The following EHMT1 variants were observed in gnomAD, a reference collection of about 807,000 sequenced individuals.
EHMT1 encodes the protein histone-lysine N-methyltransferase EHMT1.
A neutral mutation model predicts 147.2 loss-of-function variants in EHMT1; 15 were observed. The observed-to-expected ratio is 0.10, with a 90% confidence interval of 0.07 to 0.16. The LOEUF (loss-of-function observed/expected upper bound fraction) is 0.16. EHMT1 is among the 10% of genes least tolerant of loss of function. EHMT1 has a pLI of 1.00. For missense variants in EHMT1, 1,587 were observed against 1,772.4 expected (o/e 0.90, Z 1.88); for synonymous variants, 795 against 709.6 (o/e 1.12, Z -1.91).
chr9:137,751,402 C>T (rs911404011), intron 6 of EHMT1, among the ~76,000 whole-genome samples: 2 of 152,334 alleles, frequency 1.3e-5, no homozygotes, highest in African/African-American at 4.8e-5. Flanking sequence ...GCAGTCCACT[C>T]GCCTAGGCCT....
chr9:137,804,956 AGTCC>A (rs1487237053), intron 18 of EHMT1, among the ~76,000 whole-genome samples: 3 of 152,096 alleles, frequency 2.0e-5, no homozygotes, highest in African/African-American at 4.8e-5. Flanking sequence ...TCCATGTATG[AGTCC>A]GTCCATGTGT....
Position 137,732,191 on chromosome 9 carries a change from G to A in EHMT1, c.823+3662G>A, listed in dbSNP as rs1201564016. Among the ~76,000 whole-genome samples the A allele has an allele frequency of 9.2e-5, 14 of 152,356 alleles. No homozygotes were observed. The highest frequency in any genetic ancestry group is 7.8e-4 in the Admixed American group (12 of 15,310). ...CGCCGACACCAGCGGAGGGCAGGAG[G>A]GCTACAGTGTTACAGCTCTGGCTTG... On this transcript the variant is annotated intron_variant, in intron 4 of 26. Coordinates refer to ENST00000460843, the MANE Select transcript of EHMT1 (RefSeq NM_024757.5). This position sits in a 1 kb window ranked among gnomAD's most constrained non-coding sequence, Gnocchi z 4.6.
intron 1 of EHMT1, among the ~76,000 whole-genome samples, chr9:137,682,043 C>G (rs974740845): frequency 9.2e-5 from 14 of 152,022 alleles, no homozygotes; most frequent in African/African-American, 3.4e-4. Context: ...CTCTGCCTCC[C>G]GGATTCACAC....
intron 6 of EHMT1, among the ~76,000 whole-genome samples, chr9:137,750,363 A>G (rs1237682454): frequency 6.6e-6 from 1 of 152,244 alleles, no homozygotes; most frequent in Non-Finnish European, 1.5e-5. Context: ...CAGATATTTC[A>G]GTAGGGATCT....
intron 1 of EHMT1, among the ~76,000 whole-genome samples, chr9:137,634,868 ATTT>A (rs781056803): frequency 0.014 from 1,297 of 92,010 alleles, 3 homozygotes; most frequent in African/African-American, 0.048. Context: ...TGCCCAGCTA[ATTT>A]TTTTTTTTTT....
intron 1 of EHMT1, among the ~76,000 whole-genome samples, chr9:137,635,178 C>T (rs1843916488): frequency 6.6e-6 from 1 of 151,642 alleles, no homozygotes; most frequent in African/African-American, 2.4e-5. Context: ...GGATGCTTGT[C>T]CATTTATTTA....
chr9:137,815,276 TA>T (rs2137780098), intron 22 of EHMT1: 1 of 168,478 alleles, frequency 5.9e-6, no homozygotes, highest in Admixed American at 5.4e-5. Context: ...ATGGAGATGG[TA>T]CGCTCAGAAA....
intron 3 of EHMT1, among the ~76,000 whole-genome samples, chr9:137,725,814 G>A (rs1286402687): frequency 6.6e-6 from 1 of 152,046 alleles, no homozygotes; most frequent in East Asian, 1.9e-4. Context: ...AAGAGTACTC[G>A]CTCCCCTGTG....
chr9:137,773,180 A>G (rs377341957), intron 10 of EHMT1, among the ~76,000 whole-genome samples: 1 of 152,236 alleles, frequency 6.6e-6, no homozygotes, highest in Non-Finnish European at 1.5e-5. Flanking sequence ...CTAGACTTCT[A>G]TGTGTATAAC....
Position 137,814,520 on chromosome 9 carries a change from C to G in EHMT1, c.3258+12C>G, listed in dbSNP as rs1954767033. 6.2e-7 allele frequency: 1 copy of G among 1,603,588 alleles called. No homozygotes were observed. The highest frequency in any genetic ancestry group is 8.5e-7 in the Non-Finnish European group (1 of 1,179,978). On this transcript the variant is annotated intron_variant, in intron 22 of 26. Coordinates refer to ENST00000460843, the MANE Select transcript of EHMT1 (RefSeq NM_024757.5). ...GCTGGTACGACAAGGTGAGGGCGGC[C>G]TCGTGTGCGTGGGCTCAGGTGGTAA...
At chr9:137,825,833 C>T (rs1220662117) in intron 25 of EHMT1, among the ~76,000 whole-genome samples, 1 of 152,102 alleles carries the variant, frequency 6.6e-6, no homozygotes, top group African/African-American at 2.4e-5. Flanking sequence ...TTGTCGTCTA[C>T]ACCGGCGGGG....
chr9:137,693,590 A>C (rs1022736779), intron 1 of EHMT1, among the ~76,000 whole-genome samples: 21 of 149,342 alleles, frequency 1.4e-4, no homozygotes, highest in Non-Finnish European at 2.7e-4. Flanking sequence ...ACAGTGGCAC[A>C]GGACGCTGGC....
intron 10 of EHMT1, among the ~76,000 whole-genome samples, chr9:137,765,711 G>A (rs1041888822): frequency 3.3e-5 from 4 of 121,440 alleles, no homozygotes; most frequent in Non-Finnish European, 5.0e-5. Context: ...TGTTCTTCCC[G>A]GCAGCCCCGC....
intron 16 of EHMT1, among the ~76,000 whole-genome samples, chr9:137,796,596 C>T (rs1024567877): frequency 4.1e-5 from 6 of 147,406 alleles, no homozygotes; most frequent in Non-Finnish European, 5.9e-5. Context: ...CCCAGCTACT[C>T]GGGAGGCTGA....
chr9:137,634,725 CAG>C lies in EHMT1; in HGVS notation c.21+15679_21+15680del, dbSNP rs2077568922. ...CTTCTTTCTTTTTTTTTTTTTTTGA[CAG>C]AGTCTCTCTCTATCGCCCAGGCTGG... On this transcript the variant is annotated intron_variant, in intron 1 of 26. Transcript: ENST00000460843. Among the ~76,000 whole-genome samples, 5 of 130,946 alleles carry C rather than the reference CAG, an allele frequency of 3.8e-5. No homozygotes were observed. The South Asian group carries it at 1.3e-3, about 33-fold the overall frequency. The allele number at this position is 130,946 out of a possible 152,430, so 85.9% of individuals were successfully genotyped here. A position where few individuals can be genotyped will look rare whatever the true frequency, so the allele number is the denominator to read the frequency against.
At chr9:137,754,946 C>T (rs897457099) in intron 8 of EHMT1, among the ~76,000 whole-genome samples, 3 of 152,190 alleles carry the variant, frequency 2.0e-5, no homozygotes, top group Admixed American at 2.0e-4. Flanking sequence ...GGCACCTGTG[C>T]CTCGGTCAGA....
At chr9:137,820,575 T>C (rs1304976578) in intron 25 of EHMT1, among the ~76,000 whole-genome samples, 4 of 152,230 alleles carry the variant, frequency 2.6e-5, no homozygotes, top group Non-Finnish European at 5.9e-5. Context: ...TTTGAAAACT[T>C]GAATATTTCC....
chr9:137,620,677 G>T (rs1842899809), intron 1 of EHMT1, among the ~76,000 whole-genome samples: 1 of 152,200 alleles, frequency 6.6e-6, no homozygotes, highest in African/African-American at 2.4e-5. Flanking sequence ...ACAGACATGA[G>T]CCATTGTGCC....
intron 15 of EHMT1, chr9:137,785,892 A>G (rs1282646224): frequency 3.9e-5 from 6 of 152,248 alleles, no homozygotes; most frequent in Middle Eastern, 6.3e-3. Flanking sequence ...CTCGCATAGC[A>G]GGGTTCCGTT....
Sources: gnomAD v4.1 joint callset for allele counts (sites outside exome capture counted in the v4.1 genomes callset) on GRCh38, gnomAD v4.1.1 for gene constraint, Gnocchi (gnomAD v3.1) non-coding constraint, MANE v1.5 for transcripts, NCBI Gene and HGNC (gene_info 2026-07-23, HGNC 2026-07-21) for gene names.